The following VPS13B variants were observed in gnomAD, a reference collection of about 807,000 sequenced individuals.
The protein encoded by VPS13B is intermembrane lipid transfer protein VPS13B.
Under a neutral mutation model 426.4 loss-of-function variants are expected in VPS13B, and 285 were observed. The ratio of observed to expected loss-of-function variants is 0.67; its 90% CI spans 0.61 to 0.74. The LOEUF is 0.74. Among genes scored for constraint, VPS13B ranks in the 30% least tolerant of loss-of-function variants. The pLI is 0.00. For missense variants in VPS13B, 4,537 were observed against 4,782.6 expected (o/e 0.95, Z 1.51); for synonymous variants, 1,676 against 1,676.4 (o/e 1.00, Z 0.01).
chr8:99,128,725 G>A (rs1809583807), intron 8 of VPS13B, among the ~76,000 whole-genome samples: 1 of 144,818 alleles, frequency 6.9e-6, no homozygotes, highest in Non-Finnish European at 1.6e-5. Flanking sequence ...TACATTGTGG[G>A]GTTGCAGCAG....
At chr8:99,875,311 T>C (rs1817645157) in intron 61 of VPS13B, 107 bp from the exon 62 acceptor site, 3 of 1,460,638 alleles carry the variant, frequency 2.1e-6, no homozygotes, top group African/African-American at 1.4e-5. Context: ...CTTTAATAGA[T>C]GACCTAAAAG....
intron 13 of VPS13B, among the ~76,000 whole-genome samples, chr8:99,144,264 G>A (rs1282072265): frequency 1.3e-5 from 2 of 151,972 alleles, no homozygotes; most frequent in African/African-American, 4.8e-5. Flanking sequence ...GGCCAAGGCA[G>A]GAGGATTGCT....
intron 29 of VPS13B, among the ~76,000 whole-genome samples, chr8:99,516,787 C>CAAA (rs528490868): frequency 0.029 from 480 of 16,690 alleles, 135 homozygotes; most frequent in Middle Eastern, 0.1. Flanking sequence ...GACCGTGTCT[C>CAAA]AAAAAAAAAA....
chr8:99,779,633 A>G (rs184408630), intron 42 of VPS13B, among the ~76,000 whole-genome samples: 6 of 152,260 alleles, frequency 3.9e-5, no homozygotes, highest in Non-Finnish European at 1.5e-5. Context: ...AATAAACCAA[A>G]CCAAAAAAAG....
chr8:99,159,102 A>T (rs1811510617), intron 15 of VPS13B, among the ~76,000 whole-genome samples: 1 of 152,188 alleles, frequency 6.6e-6, no homozygotes, highest in Non-Finnish European at 1.5e-5. Flanking sequence ...GTCCTCATGG[A>T]TTACTTTGAG....
rs768501170 is a variant in VPS13B at position 99,556,587 on chromosome 8, G to T, written c.4883G>T (p.Gly1628Val). The change falls in exon 31 of 62, where the codon GGA (glycine) becomes GTA (valine). Residue 1628 changes from glycine (G) to valine (V), a missense_variant. Coordinates refer to ENST00000357162, the MANE Select transcript of VPS13B (RefSeq NM_152564.5). Reference protein sequence around the residue: ...QLKPEKESVSGGVVTETERNS... With the variant: ...QLKPEKESVSVGVVTETERNS... ...AAACCAGAGAAGGAAAGTGTCTCAG[G>T]AGGGGTGGTAACAGAGACTGAAAGG... 1.2e-6 allele frequency: 2 copies of T among 1,613,270 alleles called. No individual in the cohort carries two copies. Among genetic ancestry groups the T allele is most frequent in the African/African-American group, 1.3e-5 (1 of 74,986 alleles).
intron 57 of VPS13B, among the ~76,000 whole-genome samples, chr8:99,860,002 T>A (rs909075095): frequency 6.6e-6 from 1 of 152,222 alleles, no homozygotes; most frequent in African/African-American, 2.4e-5. Flanking sequence ...GCCAAAGTGC[T>A]TCCCGCAAGG....
Position 99,699,617 on chromosome 8 carries a change from A to C in VPS13B, c.6139A>C (p.Asn2047His), listed in dbSNP as rs1456262207. The change falls in exon 36 of 62, where the codon AAT becomes CAT. Residue 2047 changes from asparagine (N) to histidine (H), a missense_variant. This residue lies in a region of VPS13B where 4,311 missense variants were observed against 4,474.3 expected (regional missense o/e 0.96). Transcript: ENST00000357162. The part of the protein sequence containing the change: ...QINLFLKKIK[N>H]AHSLAHSEET... ...AAACCTTTTTTTAAAGAAGATAAAA[A>C]ATGCACACAGTTTGGCACATAGTGA... 1 of 1,614,158 alleles carries C rather than the reference A, an allele frequency of 6.2e-7. No homozygotes were observed. The highest frequency in any genetic ancestry group is 1.7e-5 in the Admixed American group (1 of 60,024).
rs796404635 is a variant in VPS13B at position 99,706,629 on chromosome 8, C to A, written c.6454+6697C>A. Reference sequence around the variant, plus strand: ...TTAGTTACCAAATTCCAAATTTAATCTAGACTGTTTGCTAGAAAACTGCTG... The same window carrying A: ...TTAGTTACCAAATTCCAAATTTAATATAGACTGTTTGCTAGAAAACTGCTG... On this transcript the variant is annotated intron_variant, in intron 36 of 61. Transcript: ENST00000357162. Among the ~76,000 whole-genome samples, 38 of 152,240 alleles carry A rather than the reference C, an allele frequency of 2.5e-4. 1 individual carries two copies. Among genetic ancestry groups the A allele is most frequent in the Middle Eastern group, 3.4e-3 (1 of 294 alleles).
chr8:99,697,211 C>A, intron 35 of VPS13B: 1 of 564,488 alleles, frequency 1.8e-6, no homozygotes, highest in South Asian at 1.9e-5. Context: ...GGCAAGTGCA[C>A]AAGGTAAAGC....
Position 99,391,545 on chromosome 8 carries a change from G to A in VPS13B, c.2935-12G>A, listed in dbSNP as rs1394216324. ...TAAAAACTAAAAAGGTTTTCATTTT[G>A]TCTCTTTCCAGCAGCCTGTGGTAGC... On this transcript the variant is annotated splice_polypyrimidine_tract_variant and intron_variant, in intron 20 of 61. Transcript: ENST00000357162. 1 of 1,613,982 alleles carries A rather than the reference G, an allele frequency of 6.2e-7. No homozygotes were observed. Among genetic ancestry groups the A allele is most frequent in the Non-Finnish European group, 8.5e-7 (1 of 1,179,996 alleles).
chr8:99,848,192 A>G (rs984463591), intron 54 of VPS13B, among the ~76,000 whole-genome samples: 1 of 152,212 alleles, frequency 6.6e-6, no homozygotes, highest in African/African-American at 2.4e-5. Context: ...GTCTTAGTCC[A>G]TATTCTCATG....
chr8:99,259,428 C>G (rs917201114), intron 17 of VPS13B, among the ~76,000 whole-genome samples: 2 of 152,008 alleles, frequency 1.3e-5, no homozygotes, highest in African/African-American at 4.8e-5. Flanking sequence ...TTGGCAACCC[C>G]ACTAACCAGT....
intron 21 of VPS13B, among the ~76,000 whole-genome samples, chr8:99,425,128 C>T (rs1218004303): frequency 1.1e-4 from 17 of 152,164 alleles, no homozygotes; most frequent in Non-Finnish European, 1.9e-4. Flanking sequence ...CCAAATTCTA[C>T]GAGAGGTACA....
intron 17 of VPS13B, among the ~76,000 whole-genome samples, chr8:99,194,436 G>A (rs545577045): frequency 6.6e-6 from 1 of 151,950 alleles, no homozygotes. Context: ...TTCCGCCTAC[G>A]TTTGGTAACC....
intron 21 of VPS13B, chr8:99,424,543 G>A (rs931110187): frequency 6.6e-6 from 1 of 152,146 alleles, no homozygotes; most frequent in African/African-American, 2.4e-5. Context: ...CAGAATCTCT[G>A]GGACACATTC....
intron 21 of VPS13B, among the ~76,000 whole-genome samples, chr8:99,410,002 T>A (rs1815546026): frequency 6.6e-6 from 1 of 152,144 alleles, no homozygotes; most frequent in Admixed American, 6.6e-5. Context: ...CAGAGTGGTA[T>A]AATGGACATG....
intron 33 of VPS13B, among the ~76,000 whole-genome samples, chr8:99,632,053 ATTTC>A (rs1828869868): frequency 6.6e-6 from 1 of 151,928 alleles, no homozygotes; most frequent in Non-Finnish European, 1.5e-5. Flanking sequence ...TAGAAACTTT[ATTTC>A]TTAACTAGAG....
In VPS13B at chr8:99,391,262, G is replaced by C. The variant is rs16897328; in HGVS notation, c.2935-295G>C. Among the ~76,000 whole-genome samples the C allele has an allele frequency of 3.4e-3, 522 of 151,428 alleles. 2 individuals carry two copies. Among genetic ancestry groups the C allele is most frequent in the African/African-American group, 0.012 (499 of 41,282 alleles). Reference sequence around the variant, plus strand: ...TTCTTACTAAAACTTACATTTTCTGGGTACTTACAGGCTCTTTGGTTTTCA... The same window carrying C: ...TTCTTACTAAAACTTACATTTTCTGCGTACTTACAGGCTCTTTGGTTTTCA... On this transcript the variant is annotated intron_variant, in intron 20 of 61. Coordinates refer to ENST00000357162, the MANE Select transcript of VPS13B (RefSeq NM_152564.5).
Sources: gnomAD v4.1 joint callset for allele counts (sites outside exome capture counted in the v4.1 genomes callset) on GRCh38, gnomAD v4.1.1 for gene constraint, gnomAD v4.1.1 regional missense constraint, MANE v1.5 for transcripts, NCBI Gene and HGNC (gene_info 2026-07-23, HGNC 2026-07-21) for gene names.